OSBPL1A: variants seen among roughly 807,000 people sequenced by gnomAD.
OSBPL1A encodes the protein oxysterol-binding protein-related protein 1.
In OSBPL1A, 80 loss-of-function variants were observed where a neutral mutation model predicts 137.1. The ratio of observed to expected loss-of-function variants is 0.58; its 90% CI spans 0.49 to 0.70. OSBPL1A has a LOEUF of 0.70. Among genes scored for constraint, OSBPL1A ranks in the 30% least tolerant of loss-of-function variants. The pLI is 0.00. For synonymous variants in OSBPL1A, 365 were observed against 389.7 expected (o/e 0.94, Z 0.75); for missense variants, 970 against 1,129.4 (o/e 0.86, Z 2.02).
rs760620471 is a variant in OSBPL1A at position 24,178,204 on chromosome 18, T to A, written c.1911-9A>T. The A allele has an allele frequency of 2.0e-6, 3 of 1,470,250 alleles. No homozygotes were observed. The East Asian group carries it at 7.0e-5, about 34-fold the overall frequency. The allele number at this position is 1,470,250 out of a possible 1,614,324, so 91.1% of individuals were successfully genotyped here. On this transcript the variant is annotated splice_polypyrimidine_tract_variant and intron_variant, in intron 20 of 27. Coordinates refer to ENST00000319481, the MANE Select transcript of OSBPL1A (RefSeq NM_080597.4). ...TAAATCCAAGGTCATCTCTTAAGATTTAAAAAAAAAAAAAAAGAAAAAAAA... is the reference window on the plus strand; with the variant it reads ...TAAATCCAAGGTCATCTCTTAAGATATAAAAAAAAAAAAAAAGAAAAAAAA...
intron 15 of OSBPL1A, among the ~76,000 whole-genome samples, chr18:24,247,979 T>A (rs1266370600): frequency 6.6e-6 from 1 of 152,130 alleles, no homozygotes; most frequent in Non-Finnish European, 1.5e-5. Flanking sequence ...GGGATTATGT[T>A]TGCAGAAGTG....
intron 7 of OSBPL1A, among the ~76,000 whole-genome samples, chr18:24,330,823 TCTCA>T (rs2091063349): frequency 6.6e-6 from 1 of 151,660 alleles, no homozygotes; most frequent in Non-Finnish European, 1.5e-5. Flanking sequence ...TGAGACAGAG[TCTCA>T]CTCTGTTGCC....
rs376132978 is a variant in OSBPL1A, at chr18:24,329,324, C to T, written c.625+3618G>A. Among the ~76,000 whole-genome samples the T allele has an allele frequency of 1.9e-3, 295 of 152,006 alleles. 1 individual carries two copies. Among genetic ancestry groups the T allele is most frequent in the African/African-American group, 6.8e-3 (284 of 41,472 alleles). Reference sequence around the variant, plus strand: ...TAGCACTTTGGGAGGCTGAGGCGGGCGGGTCACCTGAGGTCAGGAATTTGA... The same window carrying T: ...TAGCACTTTGGGAGGCTGAGGCGGGTGGGTCACCTGAGGTCAGGAATTTGA... On this transcript the variant is annotated intron_variant, in intron 7 of 27. Coordinates refer to ENST00000319481, the MANE Select transcript of OSBPL1A (RefSeq NM_080597.4).
chr18:24,169,672 G>A (rs1276264049), intron 24 of OSBPL1A, among the ~76,000 whole-genome samples: 3 of 152,182 alleles, frequency 2.0e-5, no homozygotes, highest in African/African-American at 7.2e-5. Context: ...CTTGGTTACT[G>A]GAAAGGAATC....
rs1177478337 is a variant in OSBPL1A, at chr18:24,162,223, C to T, written c.*956G>A. 1 of 152,080 alleles carries T rather than the reference C, an allele frequency of 6.6e-6. No homozygotes were observed. Among genetic ancestry groups the T allele is most frequent in the Non-Finnish European group, 1.5e-5 (1 of 68,020 alleles). The allele number at this position is 152,080 out of a possible 1,614,324, so 9.4% of individuals were successfully genotyped here. A position where few individuals can be genotyped will look rare whatever the true frequency, so the allele number is the denominator to read the frequency against. ...CTATAAGATTTAAGATGAATGTGCC[C>T]CAATTAAAGGGGCAAAACTACTGTA... On this transcript the variant is annotated 3_prime_UTR_variant, in exon 28 of 28. Transcript: ENST00000319481.
intron 21 of OSBPL1A, among the ~76,000 whole-genome samples, chr18:24,175,108 G>GTATATATATATATATATATATACA (rs2086396655): frequency 9.0e-6 from 1 of 111,530 alleles, no homozygotes; most frequent in African/African-American, 4.6e-5. Flanking sequence ...CCATGTGTAT[G>GTATATATATATATATATATATACA]TATATATATA....
At chr18:24,291,951 C>T (rs1021352162) in intron 14 of OSBPL1A, among the ~76,000 whole-genome samples, 14 of 152,022 alleles carry the variant, frequency 9.2e-5, no homozygotes, top group African/African-American at 3.1e-4. Flanking sequence ...GGCATGGTGG[C>T]AGGTGCACCT....
At chr18:24,359,148 G>A (rs1212851933) in intron 4 of OSBPL1A, among the ~76,000 whole-genome samples, 3 of 152,094 alleles carry the variant, frequency 2.0e-5, no homozygotes, top group African/African-American at 7.2e-5. Context: ...AGCTCTGGAT[G>A]TGGAGGTTGC....
intron 4 of OSBPL1A, among the ~76,000 whole-genome samples, chr18:24,358,709 A>G (rs1337043592): frequency 5.9e-5 from 9 of 152,192 alleles, no homozygotes; most frequent in Non-Finnish European, 1.2e-4. Context: ...AGAATTTCTG[A>G]GACACAGAAC....
chr18:24,302,357 C>T (rs1292001543), intron 14 of OSBPL1A: 1 of 151,676 alleles, frequency 6.6e-6, no homozygotes, highest in Non-Finnish European at 1.5e-5. Context: ...GTTTAAGAAA[C>T]ATAATTTTTT....
At chr18:24,266,445 A>G (rs2089576487) in intron 15 of OSBPL1A, among the ~76,000 whole-genome samples, 1 of 152,172 alleles carries the variant, frequency 6.6e-6, no homozygotes, top group Non-Finnish European at 1.5e-5. Flanking sequence ...AGTGTAGGAG[A>G]GAGAAAACAA....
chr18:24,222,804 TAC>T (rs1278591437), intron 17 of OSBPL1A, among the ~76,000 whole-genome samples: 1 of 145,606 alleles, frequency 6.9e-6, no homozygotes, highest in Non-Finnish European at 1.5e-5. Context: ...TTTTAAAAAA[TAC>T]ACAGTCTCTC....
chr18:24,372,087 G>C (rs1313068722), intron 2 of OSBPL1A, among the ~76,000 whole-genome samples: 2 of 151,896 alleles, frequency 1.3e-5, no homozygotes, highest in Admixed American at 1.3e-4. Context: ...ATGAGCCTGG[G>C]CAAGTAGTGA....
intron 24 of OSBPL1A, among the ~76,000 whole-genome samples, chr18:24,168,316 G>A (rs559810620): frequency 1.3e-5 from 2 of 152,242 alleles, no homozygotes; most frequent in Admixed American, 1.3e-4. Context: ...CTTTCGTGGA[G>A]CTCACACACC....
At chr18:24,384,868 G>C (rs1297881512) in intron 1 of OSBPL1A, among the ~76,000 whole-genome samples, 5 of 147,594 alleles carry the variant, frequency 3.4e-5, no homozygotes. Context: ...GAGTGAAACT[G>C]TCTCGGAAAA....
intron 13 of OSBPL1A, among the ~76,000 whole-genome samples, chr18:24,311,159 T>C (rs1425144193): frequency 1.3e-5 from 2 of 152,194 alleles, no homozygotes; most frequent in African/African-American, 4.8e-5. Flanking sequence ...TATATTTTAA[T>C]GTAAAGGTCC....
intron 4 of OSBPL1A, chr18:24,358,644 G>A (rs1460652158): frequency 9.3e-6 from 6 of 645,740 alleles, no homozygotes; most frequent in African/African-American, 1.8e-5. Context: ...TGGTCTCCTA[G>A]GAAATCCTAA....
intron 14 of OSBPL1A, among the ~76,000 whole-genome samples, chr18:24,283,260 A>C (rs1464678005): frequency 1.2e-5 from 1 of 84,956 alleles, no homozygotes; most frequent in Non-Finnish European, 2.3e-5. Context: ...GCAAGACTCC[A>C]TCTCAAAAAA....
chr18:24,204,741 G>A (rs1401528572), intron 17 of OSBPL1A, among the ~76,000 whole-genome samples: 1 of 151,940 alleles, frequency 6.6e-6, no homozygotes, highest in Non-Finnish European at 1.5e-5. Context: ...TCACAAACAG[G>A]GTCTGTGCAG....
Sources: gnomAD v4.1 joint callset for allele counts (sites outside exome capture counted in the v4.1 genomes callset) on GRCh38, gnomAD v4.1.1 for gene constraint, MANE v1.5 for transcripts, NCBI Gene and HGNC (gene_info 2026-07-23, HGNC 2026-07-21) for gene names.